Variants in PCDH9 observed in about 807,000 individuals in gnomAD.
The protein encoded by PCDH9 is protocadherin 9.
A neutral mutation model predicts 70.6 loss-of-function variants in PCDH9; 24 were observed. The ratio of observed to expected loss-of-function variants is 0.34; its 90% CI spans 0.25 to 0.48. PCDH9 has a LOEUF of 0.48. Among genes scored for constraint, PCDH9 ranks in the 20% least tolerant of loss-of-function variants. The pLI, the probability that PCDH9 is intolerant of heterozygous loss-of-function variation, is 0.99. For missense variants in PCDH9, 1,281 were observed against 1,503.6 expected (o/e 0.85, Z 2.45); for synonymous variants, 562 against 558.5 (o/e 1.01, Z -0.09).
Position 66,633,174 on chromosome 13 carries a change from T to G in PCDH9, c.3139-1763A>C, listed in dbSNP as rs1593811303. The stretch of plus-strand genomic sequence containing the variant: ...GAAATGAGTTGATAGTTCAGTACAT[T>G]TTTAATGAACTGATGCCAACATCAC... On this transcript the variant is annotated intron_variant, in intron 3 of 4. Transcript: ENST00000377865. Among the ~76,000 whole-genome samples the G allele has an allele frequency of 2.6e-5, 4 of 152,262 alleles. No homozygotes were observed. In the South Asian group the frequency reaches 8.3e-4, roughly 32 times the overall value.
intron 2 of PCDH9, among the ~76,000 whole-genome samples, chr13:67,044,026 G>A (rs1259239469): frequency 1.3e-5 from 2 of 151,992 alleles, no homozygotes; most frequent in Admixed American, 6.6e-5. Context: ...CAAGGAAAGA[G>A]GAATAGGATT....
At chr13:67,229,580 C>A (rs912299988) in intron 1 of PCDH9, among the ~76,000 whole-genome samples, 200 bp downstream of exon 1, 1 of 152,164 alleles carries the variant, frequency 6.6e-6, no homozygotes, top group African/African-American at 2.4e-5. Flanking sequence ...TTCTCAGGCT[C>A]TAATCTTATC....
chr13:67,163,665 T>A (rs769048099), intron 2 of PCDH9, among the ~76,000 whole-genome samples: 58 of 152,190 alleles, frequency 3.8e-4, no homozygotes, highest in Non-Finnish European at 6.9e-4. Flanking sequence ...ATCCCAGAAT[T>A]TGCTGCGTCA....
chr13:67,007,350 T>C (rs773806422), intron 2 of PCDH9, among the ~76,000 whole-genome samples: 1 of 152,160 alleles, frequency 6.6e-6, no homozygotes, highest in Non-Finnish European at 1.5e-5. Flanking sequence ...TATAGGAAGA[T>C]AGTAAATCTG....
At chr13:66,779,849 C>CTCTCTATATATATATA (rs1395244975) in intron 3 of PCDH9, among the ~76,000 whole-genome samples, 6 of 78,920 alleles carry the variant, frequency 7.6e-5, no homozygotes, top group African/African-American at 1.5e-4. Context: ...CTCTCTCTCT[C>CTCTCTATATATATATA]TATATATATA....
chr13:66,962,633 C>T (rs2083367213), intron 2 of PCDH9, among the ~76,000 whole-genome samples: 1 of 152,148 alleles, frequency 6.6e-6, no homozygotes, highest in Non-Finnish European at 1.5e-5. Flanking sequence ...CTAAACATAT[C>T]TAAATATAGA....
intron 3 of PCDH9, among the ~76,000 whole-genome samples, chr13:66,883,135 T>A (rs2139543161): frequency 6.6e-6 from 1 of 152,320 alleles, no homozygotes; most frequent in South Asian, 2.1e-4. Context: ...GATTTATGTT[T>A]TTCCCTCTGC....
At chr13:66,607,480 A>G (rs1440161239) in intron 4 of PCDH9, among the ~76,000 whole-genome samples, 2 of 152,110 alleles carry the variant, frequency 1.3e-5, no homozygotes, top group Admixed American at 1.3e-4. Flanking sequence ...TAGAGCCCCT[A>G]CAATATGAAC....
chr13:66,881,977 A>T (rs971002928), intron 3 of PCDH9, among the ~76,000 whole-genome samples: 2 of 152,202 alleles, frequency 1.3e-5, no homozygotes, highest in African/African-American at 4.8e-5. Flanking sequence ...ATAAACTATT[A>T]AATCTGAGTA....
chr13:66,355,976 T>A (rs1956375939), intron 4 of PCDH9, among the ~76,000 whole-genome samples: 1 of 152,106 alleles, frequency 6.6e-6, no homozygotes, highest in African/African-American at 2.4e-5. Context: ...ACTCTCAAGC[T>A]AGATATTTTT....
intron 2 of PCDH9, among the ~76,000 whole-genome samples, chr13:67,032,087 C>A (rs1041953912): frequency 6.6e-6 from 1 of 152,204 alleles, no homozygotes; most frequent in Non-Finnish European, 1.5e-5. Context: ...GAAAAGCCGG[C>A]AGTCATAGAT....
chr13:67,096,455 C>A (rs1001820504), intron 2 of PCDH9, among the ~76,000 whole-genome samples: 2 of 152,268 alleles, frequency 1.3e-5, no homozygotes, highest in Non-Finnish European at 2.9e-5. Context: ...AAAATACTGA[C>A]TTTAACTTCC....
chr13:66,701,097 G>T (rs1349475433), intron 3 of PCDH9, among the ~76,000 whole-genome samples: 1 of 150,912 alleles, frequency 6.6e-6, no homozygotes, highest in Non-Finnish European at 1.5e-5. Context: ...AATCTAATGA[G>T]AAATAAAAAT....
chr13:66,426,922 C>T (rs1441577918), intron 4 of PCDH9, among the ~76,000 whole-genome samples: 3 of 151,326 alleles, frequency 2.0e-5, no homozygotes, highest in African/African-American at 7.3e-5. Context: ...AGTATAATTA[C>T]TGCCTAGTTT....
intron 4 of PCDH9, among the ~76,000 whole-genome samples, chr13:66,567,362 T>C (rs1220891179): frequency 6.6e-6 from 1 of 152,186 alleles, no homozygotes; most frequent in African/African-American, 2.4e-5. Flanking sequence ...TTATTGTCCA[T>C]TGTTTTTTAA....
chr13:66,537,579 C>T (rs1960763626), intron 4 of PCDH9, among the ~76,000 whole-genome samples: 1 of 151,858 alleles, frequency 6.6e-6, no homozygotes, highest in African/African-American at 2.4e-5. Flanking sequence ...TCCTGCAGTG[C>T]TGGAGCAGAG....
intron 4 of PCDH9, among the ~76,000 whole-genome samples, chr13:66,401,644 CT>C (rs1269278231): frequency 9.2e-5 from 14 of 152,198 alleles, no homozygotes; most frequent in African/African-American, 3.1e-4. Context: ...TCCCTTCAGA[CT>C]TTTTATACCA....
chr13:66,781,528 T>C (rs571457298), intron 3 of PCDH9, among the ~76,000 whole-genome samples: 2 of 152,312 alleles, frequency 1.3e-5, no homozygotes, highest in South Asian at 2.1e-4. Context: ...GAAGAGTTTA[T>C]TAGCTCAGCA....
chr13:66,409,919 G>C (rs1237770141), intron 4 of PCDH9, among the ~76,000 whole-genome samples: 1 of 152,132 alleles, frequency 6.6e-6, no homozygotes, highest in East Asian at 1.9e-4. Context: ...AGTTAAACCT[G>C]GCAATCCTAT....
Sources: allele counts gnomAD v4.1 joint callset (sites outside exome capture counted in the v4.1 genomes callset), GRCh38; gene constraint gnomAD v4.1.1; transcripts MANE v1.5; gene names NCBI Gene and HGNC (gene_info 2026-07-23, HGNC 2026-07-21).